SETD2: variants seen among roughly 807,000 people sequenced by gnomAD.
SETD2 encodes histone-lysine N-methyltransferase SETD2.
Under a neutral mutation model 242.1 loss-of-function variants are expected in SETD2, and 31 were observed. The ratio of observed to expected loss-of-function variants is 0.13; its 90% CI spans 0.10 to 0.17. The LOEUF is 0.17. SETD2 is among the 10% of genes least tolerant of loss of function. The pLI, the probability that SETD2 is intolerant of heterozygous loss-of-function variation, is 1.00. For synonymous variants in SETD2, 1,006 were observed against 1,066.5 expected, an observed-to-expected ratio of 0.94 and a Z score of 1.11; for missense variants, 2,481 against 3,046.3, an observed-to-expected ratio of 0.81 and a Z score of 4.37.
chr3:47,147,800 G>A (rs987760052), intron 1 of SETD2, among the ~76,000 whole-genome samples: 8 of 150,596 alleles, frequency 5.3e-5, no homozygotes, highest in African/African-American at 1.7e-4. Flanking sequence ...GTGGGCGCCT[G>A]TAGTCCCAGC....
intron 1 of SETD2, among the ~76,000 whole-genome samples, chr3:47,139,447 T>C (rs1285689260): frequency 1.3e-5 from 2 of 152,214 alleles, no homozygotes; most frequent in Non-Finnish European, 2.9e-5. Context: ...TCTCCCCATA[T>C]AGAGTTTAAA....
chr3:47,126,959 A>C (rs1489707088), intron 1 of SETD2, among the ~76,000 whole-genome samples: 1 of 152,266 alleles, frequency 6.6e-6, no homozygotes, highest in African/African-American at 2.4e-5. Context: ...TTGTAACAAA[A>C]GTAATACCAA....
intron 1 of SETD2, among the ~76,000 whole-genome samples, chr3:47,147,645 C>T (rs1408425740): frequency 1.3e-5 from 2 of 149,186 alleles, no homozygotes; most frequent in Non-Finnish European, 3.0e-5. Flanking sequence ...GTTTCTAGGC[C>T]GGGCGCGGTG....
At chr3:47,089,318 G>A (rs1050267850) in intron 9 of SETD2, among the ~76,000 whole-genome samples, 2 of 152,128 alleles carry the variant, frequency 1.3e-5, no homozygotes, top group Admixed American at 1.3e-4. Flanking sequence ...GTGGTAGCAT[G>A]TGTCTATAGT....
intron 16 of SETD2, among the ~76,000 whole-genome samples, chr3:47,046,074 C>T (rs1315229402): frequency 6.6e-6 from 1 of 151,860 alleles, no homozygotes; most frequent in Non-Finnish European, 1.5e-5. Context: ...TGGCTCATGC[C>T]TATAAATAAT....
intron 16 of SETD2, among the ~76,000 whole-genome samples, chr3:47,045,029 G>A (rs183609362): frequency 2.0e-5 from 3 of 152,254 alleles, no homozygotes; most frequent in African/African-American, 7.2e-5. Flanking sequence ...TTCTGGTCCC[G>A]TGAAGCTCAG....
At chr3:47,134,425 C>T (rs1164638353) in intron 1 of SETD2, among the ~76,000 whole-genome samples, 1 of 152,114 alleles carries the variant, frequency 6.6e-6, no homozygotes, top group Non-Finnish European at 1.5e-5. Context: ...AAAGGTCACA[C>T]CTACCTAGCT....
chr3:47,069,271 T>A (rs2040707757), intron 12 of SETD2, among the ~76,000 whole-genome samples: 1 of 152,188 alleles, frequency 6.6e-6, no homozygotes, highest in Admixed American at 6.5e-5. Flanking sequence ...ACACAGGACA[T>A]GCCTAACAAC....
chr3:47,130,411 AG>A (rs1355035354), intron 1 of SETD2, among the ~76,000 whole-genome samples: 6 of 152,224 alleles, frequency 3.9e-5, no homozygotes, highest in Admixed American at 2.0e-4. Flanking sequence ...GTACATTTCC[AG>A]GAGAGTCTTC....
intron 12 of SETD2, among the ~76,000 whole-genome samples, chr3:47,072,046 C>T (rs775744482): frequency 3.3e-5 from 5 of 152,168 alleles, no homozygotes; most frequent in Middle Eastern, 3.2e-3. Context: ...CAGTGGCTCA[C>T]GCTTGTAATC....
In SETD2 at chr3:47,126,667, T is replaced by A; in HGVS notation, c.72-4A>T. On this transcript the variant is annotated splice_polypyrimidine_tract_variant and splice_region_variant and intron_variant, in intron 1 of 20. Coordinates refer to ENST00000409792, the MANE Select transcript of SETD2 (RefSeq NM_014159.7). ...ACTTACCTCATTTTCTTCTTCTCTA[T>A]TTCCATTCAGCCAAGAAAACATGCA... is the stretch of plus-strand genomic sequence containing the variant. 1 of 1,339,106 alleles carries A rather than the reference T, an allele frequency of 7.5e-7. No homozygotes were observed. The highest frequency in any genetic ancestry group is 1.0e-6 in the Non-Finnish European group (1 of 958,426). The allele number at this position is 1,339,106 out of a possible 1,614,324, so 83.0% of individuals were successfully genotyped here.
At chr3:47,039,511 C>T (rs2039175859) in intron 17 of SETD2, among the ~76,000 whole-genome samples, 2 of 151,812 alleles carry the variant, frequency 1.3e-5, no homozygotes, top group Non-Finnish European at 2.9e-5. Flanking sequence ...CCATGTCCGG[C>T]CCAAACTTTT....
chr3:47,030,105 C>A (rs1399830865), intron 18 of SETD2, among the ~76,000 whole-genome samples: 1 of 151,624 alleles, frequency 6.6e-6, no homozygotes, highest in Non-Finnish European at 1.5e-5. Flanking sequence ...GCCGAGATCG[C>A]ACCACCGAAC....
intron 3 of SETD2, chr3:47,119,558 C>A (rs558715599): frequency 3.2e-5 from 7 of 218,536 alleles, no homozygotes; most frequent in Non-Finnish European, 6.6e-5. Flanking sequence ...TTAAGTCACA[C>A]AAGATCTGAT....
chr3:47,114,220 A>C (rs1419002174), intron 4 of SETD2, among the ~76,000 whole-genome samples: 1 of 152,202 alleles, frequency 6.6e-6, no homozygotes, highest in Non-Finnish European at 1.5e-5. Context: ...GATCATACCC[A>C]CAATACAGCC....
intron 19 of SETD2, among the ~76,000 whole-genome samples, chr3:47,018,770 C>G (rs560094145): frequency 6.6e-6 from 1 of 152,212 alleles, no homozygotes; most frequent in Non-Finnish European, 1.5e-5. Flanking sequence ...TGAAGAAGAA[C>G]AATACCATTC....
chr3:47,024,388 C>T lies in SETD2; in HGVS notation c.7351-4548G>A, dbSNP rs185078728. ...TTGGGAGGCTGAGGCAGGAGAATTG[C>T]TATAACCTGGGAGGCAGAGGGTGCA... is the stretch of plus-strand genomic sequence containing the variant. On this transcript the variant is annotated intron_variant, in intron 18 of 20. Transcript: ENST00000409792. Among the ~76,000 whole-genome samples the T allele has an allele frequency of 1.4e-3, 218 of 152,356 alleles. 4 individuals are homozygous for T. In the South Asian group the frequency reaches 0.023, roughly 16 times the overall value.
chr3:47,024,126 G>A (rs1204382230), intron 18 of SETD2, among the ~76,000 whole-genome samples: 2 of 151,906 alleles, frequency 1.3e-5, no homozygotes, highest in Admixed American at 6.6e-5. Context: ...GATCACTTGA[G>A]GCCAGGAGTT....
At chr3:47,038,270 T>G (rs1041944758) in intron 17 of SETD2, among the ~76,000 whole-genome samples, 2 of 152,154 alleles carry the variant, frequency 1.3e-5, no homozygotes, top group Non-Finnish European at 2.9e-5. Flanking sequence ...TTTTAATAGT[T>G]CTGCCCCTCT....
Sources: gnomAD v4.1 joint callset for allele counts (sites outside exome capture counted in the v4.1 genomes callset) on GRCh38, gnomAD v4.1.1 for gene constraint, MANE v1.5 for transcripts, NCBI Gene and HGNC (gene_info 2026-07-23, HGNC 2026-07-21) for gene names.